TBC1D21: variants seen among roughly 807,000 people sequenced by gnomAD.
The protein encoded by TBC1D21 is TBC1 domain family member 21, also known as male germ cell Rab GTPase-activating protein.
A neutral mutation model predicts 46.0 loss-of-function variants in TBC1D21; 38 were observed. That is an observed-to-expected ratio of 0.83 (90% CI 0.64 to 1.08). TBC1D21 has a LOEUF of 1.08. Among genes scored for constraint, TBC1D21 ranks in the 50% least tolerant of loss-of-function variants. TBC1D21 has a pLI of 0.00. For missense variants in TBC1D21, 415 were observed against 417.9 expected (o/e 0.99, Z 0.06); for synonymous variants, 151 against 157.2 (o/e 0.96, Z 0.29).
At chr15:73,894,510 T>G in the TBC1D21 span, among the ~76,000 whole-genome samples, 37 of 152,228 alleles carry the variant, frequency 2.4e-4, 1 homozygote, top group Non-Finnish European at 1.0e-4. Flanking sequence ...ACATTCCTTG[T>G]GCATTCCTTC....
At chr15:73,886,690 C>T (rs72745338) in intron 8 of TBC1D21, 78 bp downstream of exon 8, 204,971 of 1,339,612 alleles carry the variant, frequency 0.15, 17,148 homozygotes, top group South Asian at 0.23. Flanking sequence ...TTCCTTGCCT[C>T]CCCCTTTCTT....
downstream of TBC1D21, among the ~76,000 whole-genome samples, chr15:73,892,688 T>C (rs902444008): frequency 6.6e-6 from 1 of 152,228 alleles, no homozygotes; most frequent in African/African-American, 2.4e-5. Context: ...ACTCCATGTC[T>C]GGCTCTCCCT....
At chr15:73,884,569 C>A (rs12902040) in intron 4 of TBC1D21, among the ~76,000 whole-genome samples, 3 of 152,224 alleles carry the variant, frequency 2.0e-5, no homozygotes, top group Admixed American at 1.3e-4. Flanking sequence ...GCCGAGGGTA[C>A]GGCCTCGTTA....
chr15:73,886,015 G>A, intron 6 of TBC1D21, 63 bp from the exon 7 acceptor site: 2 of 1,436,034 alleles, frequency 1.4e-6, no homozygotes, highest in Non-Finnish European at 2.0e-6. Flanking sequence ...GGGAAGCAGA[G>A]TTGACTCTTC....
downstream of TBC1D21, among the ~76,000 whole-genome samples, chr15:73,890,524 T>C (rs1190216093): frequency 2.6e-5 from 4 of 152,224 alleles, no homozygotes; most frequent in Non-Finnish European, 2.9e-5. Flanking sequence ...TCTCCAAGGA[T>C]GAAACTGTGT....
chr15:73,873,622 G>T lies in TBC1D21; in HGVS notation c.-88G>T. On this transcript the variant is annotated 5_prime_UTR_variant, in exon 1 of 11. Coordinates refer to ENST00000300504, the MANE Select transcript of TBC1D21 (RefSeq NM_153356.3). ...GTCAGGAGCAGCCAGTTCCTCCTGG[G>T]AATGCAACCCATCTCCGAAAAGGAT... The T allele has an allele frequency of 6.9e-7, 1 of 1,455,762 alleles. No individual in the cohort carries two copies. Among genetic ancestry groups the T allele is most frequent in the South Asian group, 1.2e-5 (1 of 81,014 alleles). 90.2% of individuals were successfully genotyped at this position (1,455,762 alleles called of 1,614,324 possible).
chr15:73,888,576 C>T (rs376014797), intron 10 of TBC1D21, 63 bp downstream of exon 10: 19 of 1,062,060 alleles, frequency 1.8e-5, no homozygotes, highest in South Asian at 8.4e-5. Flanking sequence ...CCTCCTCCTC[C>T]TCCTCTTCCT....
chr15:73,886,650 A>T, intron 8 of TBC1D21, 38 bp downstream of exon 8: 1 of 1,586,150 alleles, frequency 6.3e-7, no homozygotes, highest in Non-Finnish European at 8.6e-7. Context: ...GCTGGGCTCC[A>T]CCCATCAGGC....
At chr15:73,904,320 G>A in the TBC1D21 span, among the ~76,000 whole-genome samples, 1,774 of 152,276 alleles carry the variant, frequency 0.012, 23 homozygotes, top group African/African-American at 0.04. Flanking sequence ...CCCAGCCCCC[G>A]CAGGCATGCA....
the TBC1D21 span, among the ~76,000 whole-genome samples, chr15:73,899,679 G>A: frequency 6.6e-6 from 1 of 152,142 alleles, no homozygotes; most frequent in Non-Finnish European, 1.5e-5. Flanking sequence ...AGAGGGGTGT[G>A]TGTATGAACG....
the TBC1D21 span, among the ~76,000 whole-genome samples, chr15:73,906,905 A>T: frequency 6.6e-6 from 1 of 152,038 alleles, no homozygotes; most frequent in Non-Finnish European, 1.5e-5. Context: ...CAAGCCTGGA[A>T]GATTCACCTC....
intron 6 of TBC1D21, 70 bp from the exon 7 acceptor site, chr15:73,886,008 A>T (rs2068238512): frequency 7.6e-7 from 1 of 1,323,908 alleles, no homozygotes; most frequent in Non-Finnish European, 1.1e-6. Flanking sequence ...AAGCTGGGGG[A>T]AGCAGAGTTG....
chr15:73,896,709 G>C, the TBC1D21 span, among the ~76,000 whole-genome samples: 1 of 152,318 alleles, frequency 6.6e-6, no homozygotes, highest in South Asian at 2.1e-4. Context: ...GGCAACACCA[G>C]ACTTCTCTCT....
At chr15:73,897,347 A>G in the TBC1D21 span, among the ~76,000 whole-genome samples, 1 of 152,230 alleles carries the variant, frequency 6.6e-6, no homozygotes, top group African/African-American at 2.4e-5. Flanking sequence ...GGCTATGTCT[A>G]TGATGCATTT....
At chr15:73,890,998 C>A (rs978787708), downstream of TBC1D21, among the ~76,000 whole-genome samples, 8 of 152,108 alleles carry the variant, frequency 5.3e-5, no homozygotes, top group African/African-American at 1.9e-4. Flanking sequence ...AATCTTGACA[C>A]CAAATTGATC....
intron 8 of TBC1D21, 86 bp from the exon 9 acceptor site, chr15:73,887,534 G>C: frequency 7.1e-6 from 8 of 1,122,900 alleles, no homozygotes; most frequent in South Asian, 6.3e-5. Flanking sequence ...CTGACTCCAG[G>C]CACGTGGTTG....
At position 73,887,704 on chromosome 15, in the gene TBC1D21, C is replaced by T; in HGVS notation, c.862C>T (p.Gln288Ter). 6.2e-7 allele frequency: 1 copy of T among 1,613,850 alleles called. No individual in the cohort carries two copies. Among genetic ancestry groups the T allele is most frequent in the Non-Finnish European group, 8.5e-7 (1 of 1,179,878 alleles). Residue 288 changes from glutamine (Q) to a stop codon, truncating the protein, a stop_gained, in exon 9 of 11, where the codon CAG becomes TAG. Coordinates refer to ENST00000300504, the MANE Select transcript of TBC1D21 (RefSeq NM_153356.3). LOFTEE classifies it high-confidence loss of function. Reference sequence around the variant, plus strand: ...GCAGATGGTGCGGGAGCAGGTGCTGCAGGAAAGCATGGGCGGGGATGACAT... The same window carrying T: ...GCAGATGGTGCGGGAGCAGGTGCTGTAGGAAAGCATGGGCGGGGATGACAT... ...MLQMVREQVL[Q>*]ESMGGDDILL...
In TBC1D21 at chr15:73,884,884, G is replaced by T. The variant is rs200090278; in HGVS notation, c.471G>T (p.Thr157=). Residue 157 remains threonine, a synonymous_variant, in exon 5 of 11, where the codon ACG becomes ACT. Coordinates refer to ENST00000300504, the MANE Select transcript of TBC1D21 (RefSeq NM_153356.3). ...TGCTCCTGAGTTACGTCTGCAACAC[G>T]CAGGCAGGTGAGCCTCAGCCTCCCC... is the stretch of plus-strand genomic sequence containing the variant. ...KILLLSYVCN[T]QAEYQQGFHE... The T allele has an allele frequency of 5.6e-6, 9 of 1,613,794 alleles. No individual in the cohort carries two copies. Among genetic ancestry groups the T allele is most frequent in the Non-Finnish European group, 7.6e-6 (9 of 1,179,752 alleles).
downstream of TBC1D21, among the ~76,000 whole-genome samples, chr15:73,892,601 C>G (rs571257901): frequency 1.8e-4 from 28 of 152,364 alleles, no homozygotes; most frequent in Non-Finnish European, 3.5e-4. Context: ...AGCTGCCCCT[C>G]CCACCACAGC....
Sources: allele counts gnomAD v4.1 joint callset (sites outside exome capture counted in the v4.1 genomes callset), GRCh38; gene constraint gnomAD v4.1.1; transcripts MANE v1.5; gene names NCBI Gene and HGNC (gene_info 2026-07-23, HGNC 2026-07-21).